NCMAP: variants seen among roughly 807,000 people sequenced by gnomAD.
The protein encoded by NCMAP is noncompact myelin-associated protein.
In NCMAP, 8 loss-of-function variants were observed where a neutral mutation model predicts 7.8. That is an observed-to-expected ratio of 1.02 (90% CI 0.60 to 1.84). The LOEUF is 1.84. NCMAP is among the 40% of genes most tolerant of loss of function. NCMAP has a pLI of 0.00. For synonymous variants in NCMAP, 41 were observed against 52.9 expected (o/e 0.78, Z 0.98); for missense variants, 112 against 131.4 (o/e 0.85, Z 0.72).
At chr1:24,575,985 A>G (rs111687590) in intron 1 of NCMAP, among the ~76,000 whole-genome samples, 42 of 150,068 alleles carry the variant, frequency 2.8e-4, no homozygotes, top group African/African-American at 1.0e-3. Context: ...CGCCTTGCCC[A>G]CAGTAACTTG....
At position 24,606,209 on chromosome 1, in the gene NCMAP, T is replaced by G. The variant is rs1192513548; in HGVS notation, c.*462T>G. 6.5e-6 allele frequency: 1 copy of G among 154,490 alleles called. No homozygotes were observed. The highest frequency in any genetic ancestry group is 1.4e-5 in the Non-Finnish European group (1 of 69,682). 9.6% of individuals were successfully genotyped at this position (154,490 alleles called of 1,614,324 possible). A position where few individuals can be genotyped will look rare whatever the true frequency, so the allele number is the denominator to read the frequency against. On this transcript the variant is annotated 3_prime_UTR_variant, in exon 4 of 4. Transcript: ENST00000374392. ...CATAACCAGGCACAGGGGAACTAAC[T>G]TGGACTAACTAACCAGAAAACCTTG...
chr1:24,560,891 C>T (rs2148924308), intron 1 of NCMAP, among the ~76,000 whole-genome samples: 1 of 152,132 alleles, frequency 6.6e-6, no homozygotes. Context: ...TTCTTAGGTG[C>T]CCACACAGTG....
At position 24,605,704 on chromosome 1, in the gene NCMAP, C is replaced by T. The variant is rs1180133837; in HGVS notation, c.266C>T (p.Thr89Ile). ...PNSNGSQHPA[T>I]VTFSPVDVQV... The stretch of plus-strand genomic sequence containing the variant: ...AGCAACGGCAGCCAACACCCAGCAA[C>T]TGTGACCTTCAGTCCTGTTGACGTC... The change falls in exon 4 of 4, where the codon ACT becomes ATT. Residue 89 changes from threonine to isoleucine, a missense_variant. Transcript: ENST00000374392. 6.2e-7 allele frequency: 1 copy of T among 1,614,222 alleles called. No homozygotes were observed. The highest frequency in any genetic ancestry group is 1.7e-5 in the Admixed American group (1 of 60,022).
At chr1:24,597,667 GAAAGAAAAGAAAA>G (rs1557602694) in intron 2 of NCMAP, among the ~76,000 whole-genome samples, 111 of 132,854 alleles carry the variant, frequency 8.4e-4, no homozygotes, top group African/African-American at 2.8e-3. Context: ...AAGAAAGAAA[GAAAGAAAAGAAAA>G]AGAAAGAAAG....
At chr1:24,586,709 C>T (rs530092334) in intron 1 of NCMAP, among the ~76,000 whole-genome samples, 2 of 148,284 alleles carry the variant, frequency 1.3e-5, no homozygotes, top group African/African-American at 5.0e-5. Context: ...TTGCAGTGAG[C>T]TGAGATCGTC....
chr1:24,585,311 G>A (rs1023440053), intron 1 of NCMAP, among the ~76,000 whole-genome samples: 10 of 152,096 alleles, frequency 6.6e-5, no homozygotes, highest in Admixed American at 2.0e-4. Flanking sequence ...GTTCATTCCC[G>A]GGTTTCCTTT....
intron 2 of NCMAP, among the ~76,000 whole-genome samples, chr1:24,599,280 C>CAAAA (rs34709750): frequency 9.8e-6 from 1 of 101,634 alleles, no homozygotes; most frequent in Non-Finnish European, 2.0e-5. Flanking sequence ...AACTCCCTCT[C>CAAAA]AAAAAAAAAA....
intron 1 of NCMAP, among the ~76,000 whole-genome samples, chr1:24,575,010 G>A (rs1312386225): frequency 6.6e-6 from 1 of 151,888 alleles, no homozygotes; most frequent in Non-Finnish European, 1.5e-5. Flanking sequence ...GGCTGGTCTT[G>A]AACTCCTGAC....
chr1:24,602,134 A>G (rs190623339), intron 3 of NCMAP, among the ~76,000 whole-genome samples: 185 of 152,256 alleles, frequency 1.2e-3, no homozygotes, highest in African/African-American at 4.1e-3. Context: ...ACAAAACTAT[A>G]TATACATGGT....
intron 1 of NCMAP, among the ~76,000 whole-genome samples, chr1:24,578,999 C>T (rs1157272971): frequency 1.3e-5 from 2 of 152,106 alleles, no homozygotes; most frequent in Non-Finnish European, 2.9e-5. Context: ...GACAGAACCT[C>T]CCCCACCCCA....
At chr1:24,556,686 C>CT (rs1279535717) in intron 1 of NCMAP, among the ~76,000 whole-genome samples, 1 of 152,098 alleles carries the variant, frequency 6.6e-6, no homozygotes, top group African/African-American at 2.4e-5. Flanking sequence ...TTTGGAGGGG[C>CT]TCGGGGGTCG....
At chr1:24,563,854 G>A (rs1301765573) in intron 1 of NCMAP, 1 of 152,226 alleles carries the variant, frequency 6.6e-6, no homozygotes, top group Non-Finnish European at 1.5e-5. Flanking sequence ...ATTTGCCCCA[G>A]CAGGGCTCTT....
intron 1 of NCMAP, among the ~76,000 whole-genome samples, chr1:24,569,283 C>CGCGCCCGGCCAACGGG (rs1557593840): frequency 7.9e-5 from 12 of 151,174 alleles, no homozygotes; most frequent in African/African-American, 2.7e-4. Flanking sequence ...CATGAGCCAC[C>CGCGCCCGGCCAACGGG]ATGTCCAGTC....
chr1:24,586,791 G>T (rs1309560235), intron 1 of NCMAP, among the ~76,000 whole-genome samples: 1 of 150,630 alleles, frequency 6.6e-6, no homozygotes, highest in African/African-American at 2.4e-5. Flanking sequence ...CCTTCACTTG[G>T]TGATCTTGGG....
In NCMAP at chr1:24,605,797, T is replaced by G. The variant is rs1469284023; in HGVS notation, c.*50T>G. On this transcript the variant is annotated 3_prime_UTR_variant, in exon 4 of 4. Transcript: ENST00000374392. ...CACTGTCCAAAGAGCCTCTCCAGAG[T>G]CAAGACCCAGAGGCACACTCTCTGG... The G allele has an allele frequency of 6.2e-7, 1 of 1,600,346 alleles. No individual in the cohort carries two copies. Among genetic ancestry groups the G allele is most frequent in the Non-Finnish European group, 8.6e-7 (1 of 1,169,500 alleles).
intron 2 of NCMAP, among the ~76,000 whole-genome samples, chr1:24,597,617 G>GAGAGAGAAAGAAAGAA (rs1553157423): frequency 4.6e-4 from 40 of 87,528 alleles, no homozygotes; most frequent in East Asian, 2.5e-3. Flanking sequence ...AAGAAAGAAA[G>GAGAGAGAAAGAAAGAA]AGAAAGAAAG....
rs757919652 is a variant in NCMAP, at chr1:24,607,674, G to A, written c.*1927G>A. 2.0e-5 allele frequency: 3 copies of A among 152,186 alleles called. No homozygotes were observed. The highest frequency in any genetic ancestry group is 4.4e-5 in the Non-Finnish European group (3 of 68,090). The allele number at this position is 152,186 out of a possible 1,614,324, so 9.4% of individuals were successfully genotyped here. On this transcript the variant is annotated 3_prime_UTR_variant, in exon 4 of 4. Transcript: ENST00000374392. ...GAGGTCAGGAGTTTGAGACCAGCCT[G>A]GCCAACATGGCAAAACCCTGTCTCT...
intron 1 of NCMAP, among the ~76,000 whole-genome samples, chr1:24,564,247 C>A (rs950433670): frequency 2.0e-5 from 3 of 152,012 alleles, no homozygotes; most frequent in African/African-American, 7.2e-5. Context: ...CAGTGGCTCA[C>A]GCCTGTAATC....
At position 24,563,083 on chromosome 1, in the gene NCMAP, C is replaced by T. The variant is rs74062007; in HGVS notation, c.-8+6914C>T. Among the ~76,000 whole-genome samples, 875 of 152,326 alleles carry T rather than the reference C, an allele frequency of 5.7e-3. 9 individuals are homozygous for T. The highest frequency in any genetic ancestry group is 0.02 in the African/African-American group (835 of 41,554). On this transcript the variant is annotated intron_variant, in intron 1 of 3. Transcript: ENST00000374392. ...CATATGCCATTCAGAGCAGAATTAC[C>T]GAAGCAGATGGACCAAGATTTTAAA...
Sources: gnomAD v4.1 joint callset for allele counts (sites outside exome capture counted in the v4.1 genomes callset) on GRCh38, gnomAD v4.1.1 for gene constraint, MANE v1.5 for transcripts, NCBI Gene and HGNC (gene_info 2026-07-23, HGNC 2026-07-21) for gene names.